PTPRN2: variants seen among roughly 807,000 people sequenced by gnomAD.
The protein encoded by PTPRN2 is receptor-type tyrosine-protein phosphatase N2.
A neutral mutation model predicts 118.8 loss-of-function variants in PTPRN2; 74 were observed. That is an observed-to-expected ratio of 0.62 (90% CI 0.52 to 0.76). The LOEUF is 0.76. Among genes scored for constraint, PTPRN2 ranks in the 30% least tolerant of loss-of-function variants. The pLI is 0.00. For synonymous variants in PTPRN2, 641 were observed against 608.0 expected (o/e 1.05, Z -0.80); for missense variants, 1,481 against 1,394.4 (o/e 1.06, Z -0.99).
intron 12 of PTPRN2, among the ~76,000 whole-genome samples, chr7:157,768,458 C>T (rs1411115200): frequency 2.6e-5 from 4 of 152,158 alleles, no homozygotes; most frequent in Non-Finnish European, 4.4e-5. Context: ...GGACGCCCCA[C>T]GCTGGCCTCC....
At chr7:158,551,203 G>A (rs1826632661) in intron 1 of PTPRN2, among the ~76,000 whole-genome samples, 2 of 152,256 alleles carry the variant, frequency 1.3e-5, no homozygotes, top group Non-Finnish European at 2.9e-5. Context: ...ACTGCGGATG[G>A]TCACTGCCTT....
At chr7:158,326,610 TCACA>T (rs1229310162) in intron 2 of PTPRN2, among the ~76,000 whole-genome samples, 4 of 151,706 alleles carry the variant, frequency 2.6e-5, no homozygotes, top group Admixed American at 2.6e-4. Context: ...GCACACGTTC[TCACA>T]CACATGCACA....
At chr7:158,202,677 G>C (rs1826731140) in intron 4 of PTPRN2, among the ~76,000 whole-genome samples, 1 of 152,110 alleles carries the variant, frequency 6.6e-6, no homozygotes, top group Non-Finnish European at 1.5e-5. Context: ...TTGTGGGCAG[G>C]GATAATTGCT....
At chr7:157,683,671 GA>G (rs1275319522) in intron 12 of PTPRN2, among the ~76,000 whole-genome samples, 1 of 152,120 alleles carries the variant, frequency 6.6e-6, no homozygotes, top group African/African-American at 2.4e-5. Context: ...CTGCTTCTTG[GA>G]GGGCGGGGGT....
intron 3 of PTPRN2, among the ~76,000 whole-genome samples, chr7:158,272,183 C>T (rs556340902): frequency 1.8e-4 from 27 of 152,148 alleles, no homozygotes; most frequent in Admixed American, 6.5e-4. Context: ...TAGAGTGAAG[C>T]CCATCTCAAG....
At chr7:158,381,317 G>A (rs779418133) in intron 2 of PTPRN2, among the ~76,000 whole-genome samples, 1 of 152,254 alleles carries the variant, frequency 6.6e-6, no homozygotes, top group Non-Finnish European at 1.5e-5. Context: ...TGAATGCTTT[G>A]CTGCTTAGAA....
At chr7:157,948,997 C>T (rs1363693925) in intron 11 of PTPRN2, among the ~76,000 whole-genome samples, 2 of 152,102 alleles carry the variant, frequency 1.3e-5, no homozygotes, top group South Asian at 2.1e-4. Context: ...GCAGGGCCAA[C>T]TTTGAGACTT....
intron 12 of PTPRN2, among the ~76,000 whole-genome samples, chr7:157,745,086 TC>T (rs1038640694): frequency 2.0e-5 from 3 of 152,192 alleles, no homozygotes; most frequent in Non-Finnish European, 2.9e-5. Flanking sequence ...GTCACGATGC[TC>T]CCCTTGCACG....
intron 12 of PTPRN2, among the ~76,000 whole-genome samples, chr7:157,846,075 G>A (rs140268201): frequency 2.1e-4 from 32 of 152,250 alleles, no homozygotes; most frequent in African/African-American, 7.2e-4. Context: ...ATTAAAAAGT[G>A]GGAAAAGGTG....
At chr7:157,962,969 T>TA in intron 11 of PTPRN2, among the ~76,000 whole-genome samples, 1 of 152,340 alleles carries the variant, frequency 6.6e-6, no homozygotes, top group Admixed American at 6.5e-5. Flanking sequence ...AGGTCATTGA[T>TA]ACTGTCCTAT....
At position 157,874,532 on chromosome 7, in the gene PTPRN2, C is replaced by G. The variant is rs1326976486; in HGVS notation, c.1788+24141G>C. Among the ~76,000 whole-genome samples the G allele has an allele frequency of 6.6e-6, 1 of 152,218 alleles. No homozygotes were observed. The highest frequency in any genetic ancestry group is 1.5e-5 in the Non-Finnish European group (1 of 68,038). ...TCCCCCTTAACTCGAGCTTTTATTT[C>G]AGTGAAGCTTCGGGGTCACCTGCAC... On this transcript the variant is annotated intron_variant, in intron 12 of 22. Transcript: ENST00000389418. This position sits in a 1 kb window ranked among gnomAD's most constrained non-coding sequence, Gnocchi z 5.8.
chr7:158,399,132 C>A lies in PTPRN2; in HGVS notation c.164-82200G>T, dbSNP rs1330319092. On this transcript the variant is annotated intron_variant, in intron 2 of 22. Coordinates refer to ENST00000389418, the MANE Select transcript of PTPRN2 (RefSeq NM_002847.5). ...GTCTCTCTTCATTTCATGCTGTCTT[C>A]TTCCATGTGGCTGTCAGGGCTCTTT... Among the ~76,000 whole-genome samples the A allele has an allele frequency of 4.6e-5, 7 of 152,282 alleles. No homozygotes were observed. The East Asian group carries it at 1.3e-3, about 29-fold the overall frequency.
At chr7:157,768,028 TCACA>T (rs1802586800) in intron 12 of PTPRN2, among the ~76,000 whole-genome samples, 1 of 152,048 alleles carries the variant, frequency 6.6e-6, no homozygotes, top group Non-Finnish European at 1.5e-5. Context: ...CCACTGTGAG[TCACA>T]CACTCTGCAG....
At chr7:158,542,962 C>T (rs1826076514) in intron 1 of PTPRN2, among the ~76,000 whole-genome samples, 2 of 152,228 alleles carry the variant, frequency 1.3e-5, no homozygotes, top group Admixed American at 1.3e-4. Flanking sequence ...CAGCTCTCAG[C>T]TCCCACGTCC....
intron 11 of PTPRN2, among the ~76,000 whole-genome samples, chr7:157,919,131 A>T (rs1278535769): frequency 6.6e-6 from 1 of 152,210 alleles, no homozygotes; most frequent in East Asian, 1.9e-4. Context: ...TTCAATAGCG[A>T]CTGATCAAGC....
chr7:158,549,324 C>T (rs1826492562), intron 1 of PTPRN2, among the ~76,000 whole-genome samples: 1 of 152,156 alleles, frequency 6.6e-6, no homozygotes, highest in Non-Finnish European at 1.5e-5. Flanking sequence ...AGCTGGTCAC[C>T]CCACGTGGAC....
At chr7:158,256,971 T>A (rs945850864) in intron 3 of PTPRN2, among the ~76,000 whole-genome samples, 6 of 152,182 alleles carry the variant, frequency 3.9e-5, no homozygotes, top group Admixed American at 6.6e-5. Context: ...GTCTGGGAGC[T>A]TGGGTTTCAG....
At chr7:158,558,757 T>TA (rs769102456) in intron 1 of PTPRN2, among the ~76,000 whole-genome samples, 2,697 of 59,604 alleles carry the variant, frequency 0.045, 82 homozygotes, top group African/African-American at 0.073. Context: ...AGTGCTAGAC[T>TA]AAAAAAAAAA....
At chr7:158,053,734 A>C (rs1391052442) in intron 11 of PTPRN2, among the ~76,000 whole-genome samples, 1 of 151,086 alleles carries the variant, frequency 6.6e-6, no homozygotes, top group African/African-American at 2.5e-5. Flanking sequence ...AGATGCAGAG[A>C]CCCTAGAGAT....
Sources: gnomAD v4.1 joint callset for allele counts (sites outside exome capture counted in the v4.1 genomes callset) on GRCh38, gnomAD v4.1.1 for gene constraint, Gnocchi (gnomAD v3.1) non-coding constraint, MANE v1.5 for transcripts, NCBI Gene and HGNC (gene_info 2026-07-23, HGNC 2026-07-21) for gene names.